FAM110B: variants seen among roughly 807,000 people sequenced by gnomAD.
FAM110B encodes family with sequence similarity 110 member B, also known as protein FAM110B.
FAM110B carries 6 observed loss-of-function variants against 20.4 expected under a neutral mutation model. The observed-to-expected ratio is 0.29, with a 90% CI of 0.16 to 0.58. The LOEUF is 0.58. Among genes scored for constraint, FAM110B ranks in the 20% least tolerant of loss-of-function variants. The pLI is 0.90. For missense variants in FAM110B, 434 were observed against 498.2 expected (o/e 0.87, Z 1.23); for synonymous variants, 226 against 214.1 (o/e 1.06, Z -0.49).
chr8:58,031,052 T>C (rs1024300324), intron 1 of FAM110B, among the ~76,000 whole-genome samples: 1 of 152,212 alleles, frequency 6.6e-6, no homozygotes, highest in Non-Finnish European at 1.5e-5. Flanking sequence ...AGATCTGTCC[T>C]CAATCCAGGA....
chr8:58,041,167 C>T (rs1805211430), intron 2 of FAM110B, among the ~76,000 whole-genome samples: 1 of 152,070 alleles, frequency 6.6e-6, no homozygotes, highest in Non-Finnish European at 1.5e-5. Context: ...TCTTGAACTC[C>T]TGACCTCAGA....
At chr8:58,065,868 G>T (rs936823341) in intron 2 of FAM110B, among the ~76,000 whole-genome samples, 10 of 152,252 alleles carry the variant, frequency 6.6e-5, no homozygotes, top group Admixed American at 5.2e-4. Flanking sequence ...CCGTGTTCAG[G>T]TTTAGTCATT....
At chr8:58,104,492 A>T (rs1018431637) in intron 3 of FAM110B, among the ~76,000 whole-genome samples, 2 of 152,028 alleles carry the variant, frequency 1.3e-5, no homozygotes, top group Non-Finnish European at 2.9e-5. Context: ...TAGTGATTGT[A>T]GATTTTTATG....
intron 1 of FAM110B, among the ~76,000 whole-genome samples, chr8:58,008,595 T>G (rs1804463021): frequency 6.6e-6 from 1 of 152,244 alleles, no homozygotes; most frequent in South Asian, 2.1e-4. Context: ...TTAGGAATAT[T>G]CAGAATCCTC....
intron 1 of FAM110B, among the ~76,000 whole-genome samples, chr8:58,025,244 A>G (rs370623025): frequency 6.6e-6 from 1 of 152,214 alleles, no homozygotes; most frequent in East Asian, 1.9e-4. Context: ...GTCAAAGCTC[A>G]GGGAGGTCAA....
chr8:58,099,479 G>A (rs1473784124), intron 3 of FAM110B, among the ~76,000 whole-genome samples: 2 of 151,952 alleles, frequency 1.3e-5, no homozygotes, highest in South Asian at 2.1e-4. Context: ...AATTAAACAC[G>A]TTTAACTTCA....
At chr8:57,999,360 A>C (rs1804249068) in intron 1 of FAM110B, among the ~76,000 whole-genome samples, 2 of 152,222 alleles carry the variant, frequency 1.3e-5, no homozygotes, top group African/African-American at 4.8e-5. Flanking sequence ...GGCTTTTAAA[A>C]ATACAATTCA....
rs1325710640 is a variant in FAM110B, at chr8:58,148,387, G to A, written c.*1044G>A. The A allele has an allele frequency of 6.0e-6, 1 of 167,036 alleles. No individual in the cohort carries two copies. The highest frequency in any genetic ancestry group is 2.4e-5 in the African/African-American group (1 of 41,416). 10.3% of individuals were successfully genotyped at this position (167,036 alleles called of 1,614,324 possible). ...AACCATATCTGAGCAGCGTGATTCT[G>A]TTGTCTTGCATATGTTATTCTCTCA... is the stretch of plus-strand genomic sequence containing the variant. On this transcript the variant is annotated 3_prime_UTR_variant, in exon 4 of 4. Transcript: ENST00000519262.
At chr8:58,004,565 C>G (rs1026723378) in intron 1 of FAM110B, among the ~76,000 whole-genome samples, 1 of 152,116 alleles carries the variant, frequency 6.6e-6, no homozygotes, top group Non-Finnish European at 1.5e-5. Flanking sequence ...GCCAACATGG[C>G]GAAACCCTGT....
chr8:58,013,002 A>G (rs1804569364), intron 1 of FAM110B, among the ~76,000 whole-genome samples: 2 of 151,918 alleles, frequency 1.3e-5, no homozygotes, highest in Non-Finnish European at 2.9e-5. Context: ...GATGGCTCCC[A>G]GTGGCCCCAA....
chr8:58,075,296 T>TGTGTGTGTG (rs1286749297), intron 2 of FAM110B, among the ~76,000 whole-genome samples: 3 of 150,560 alleles, frequency 2.0e-5, no homozygotes, highest in African/African-American at 4.9e-5. Context: ...TGTGTGTGTG[T>TGTGTGTGTG]TTTGTAGATA....
At chr8:58,096,440 T>C (rs939973236) in intron 3 of FAM110B, among the ~76,000 whole-genome samples, 11 of 152,188 alleles carry the variant, frequency 7.2e-5, no homozygotes, top group African/African-American at 2.7e-4. Context: ...CCTCCCAAAG[T>C]GTTGGGATTA....
chr8:58,109,818 C>G, intron 3 of FAM110B, among the ~76,000 whole-genome samples: 1 of 152,366 alleles, frequency 6.6e-6, no homozygotes, highest in Middle Eastern at 3.4e-3. Context: ...GACTAAACAA[C>G]ATCCTGCTGC....
chr8:58,105,866 G>T, intron 3 of FAM110B, among the ~76,000 whole-genome samples: 1 of 151,928 alleles, frequency 6.6e-6, no homozygotes, highest in South Asian at 2.1e-4. Context: ...CACTGCACCC[G>T]GCCTGAATGA....
At chr8:58,059,004 C>T (rs965585631) in intron 2 of FAM110B, among the ~76,000 whole-genome samples, 10 of 152,248 alleles carry the variant, frequency 6.6e-5, no homozygotes, top group East Asian at 3.9e-4. Flanking sequence ...ATTCTATAAT[C>T]GTGAGTTAGT....
intron 3 of FAM110B, among the ~76,000 whole-genome samples, chr8:58,081,834 C>G (rs1806200552): frequency 6.6e-6 from 1 of 151,762 alleles, no homozygotes; most frequent in Admixed American, 6.6e-5. Flanking sequence ...GCCATTTATT[C>G]ATTCAACAAA....
At chr8:58,097,121 A>G (rs973774959) in intron 3 of FAM110B, among the ~76,000 whole-genome samples, 1 of 152,166 alleles carries the variant, frequency 6.6e-6, no homozygotes, top group Non-Finnish European at 1.5e-5. Flanking sequence ...TTCCTGCATA[A>G]TACCCCTAAG....
At chr8:58,036,219 A>C (rs1262075949) in intron 2 of FAM110B, among the ~76,000 whole-genome samples, 1 of 152,148 alleles carries the variant, frequency 6.6e-6, no homozygotes, top group African/African-American at 2.4e-5. Context: ...TTTCTCAGCT[A>C]ATTTGGGATG....
chr8:58,124,435 G>C (rs1807442413), intron 3 of FAM110B, among the ~76,000 whole-genome samples: 1 of 152,224 alleles, frequency 6.6e-6, no homozygotes, highest in African/African-American at 2.4e-5. Context: ...GAACAGCCTA[G>C]TTACAAATAG....
Sources: allele counts gnomAD v4.1 joint callset (sites outside exome capture counted in the v4.1 genomes callset), GRCh38; gene constraint gnomAD v4.1.1; transcripts MANE v1.5; gene names NCBI Gene and HGNC (gene_info 2026-07-23, HGNC 2026-07-21).